Variants in AHCYL2 observed in about 807,000 individuals in gnomAD.
The protein encoded by AHCYL2 is adenosylhomocysteinase like 2.
In AHCYL2, 28 loss-of-function variants were observed where a neutral mutation model predicts 81.4. That is an observed-to-expected ratio of 0.34 (90% CI 0.25 to 0.47). The LOEUF is 0.47. AHCYL2 is among the 20% of genes least tolerant of loss of function. The pLI is 1.00. For missense variants in AHCYL2, 551 were observed against 785.1 expected (o/e 0.70, Z 3.56); for synonymous variants, 272 against 290.2 (o/e 0.94, Z 0.64).
At chr7:129,383,251 G>A (rs1795047685) in intron 2 of AHCYL2, among the ~76,000 whole-genome samples, 1 of 151,672 alleles carries the variant, frequency 6.6e-6, no homozygotes, top group Admixed American at 6.6e-5. Flanking sequence ...CTGTAGCCTC[G>A]AACTCTTGGG....
intron 1 of AHCYL2, among the ~76,000 whole-genome samples, chr7:129,366,901 T>A (rs1794142435): frequency 6.6e-6 from 1 of 152,164 alleles, no homozygotes; most frequent in Admixed American, 6.5e-5. Context: ...TTTGGTTTTA[T>A]ACATTTTAAG....
intron 1 of AHCYL2, among the ~76,000 whole-genome samples, chr7:129,230,573 C>G (rs550394895): frequency 7.4e-6 from 1 of 135,074 alleles, no homozygotes; most frequent in Admixed American, 7.4e-5. Context: ...CCTTCTAAAT[C>G]TTTTTTTTTT....
At chr7:129,263,148 CA>C (rs1315171575) in intron 1 of AHCYL2, among the ~76,000 whole-genome samples, 2 of 152,176 alleles carry the variant, frequency 1.3e-5, no homozygotes, top group African/African-American at 4.8e-5. Flanking sequence ...TGGTTACAAA[CA>C]GTCCCCATAT....
At chr7:129,400,616 T>C (rs1795987368) in intron 6 of AHCYL2, among the ~76,000 whole-genome samples, 1 of 152,134 alleles carries the variant, frequency 6.6e-6, no homozygotes, top group Non-Finnish European at 1.5e-5. Context: ...TTGGAAGCAT[T>C]TATATTCATT....
At chr7:129,228,530 G>A (rs1001553775) in intron 1 of AHCYL2, among the ~76,000 whole-genome samples, 3 of 152,186 alleles carry the variant, frequency 2.0e-5, no homozygotes, top group Non-Finnish European at 4.4e-5. Context: ...AACCCAGCAA[G>A]CCAAAAATCT....
chr7:129,233,475 C>T (rs1471715419), intron 1 of AHCYL2, among the ~76,000 whole-genome samples: 1 of 152,038 alleles, frequency 6.6e-6, no homozygotes, highest in Non-Finnish European at 1.5e-5. Flanking sequence ...CTGTGCCTGG[C>T]CTACTGTCTC....
intron 1 of AHCYL2, among the ~76,000 whole-genome samples, chr7:129,262,869 A>G (rs1795690472): frequency 6.6e-6 from 1 of 152,214 alleles, no homozygotes; most frequent in African/African-American, 2.4e-5. Context: ...ATAAGCTGAC[A>G]TGAAAATGGA....
At chr7:129,238,953 A>C (rs1482747879) in intron 1 of AHCYL2, among the ~76,000 whole-genome samples, 1 of 152,002 alleles carries the variant, frequency 6.6e-6, no homozygotes, top group African/African-American at 2.4e-5. Context: ...CTCCGTCTCA[A>C]AAAAAAAGAA....
chr7:129,276,110 G>A lies in AHCYL2; in HGVS notation c.363+50671G>A, dbSNP rs534492987. Among the ~76,000 whole-genome samples, 7 of 152,038 alleles carry A rather than the reference G, an allele frequency of 4.6e-5. No homozygotes were observed. In the South Asian group the frequency reaches 1.0e-3, roughly 23 times the overall value. ...ATTTTATATATTTGGAAATTTAAAA[G>A]CATACTTCTAAGTAACTCATAGATC... On this transcript the variant is annotated intron_variant, in intron 1 of 16. Coordinates refer to ENST00000325006, the MANE Select transcript of AHCYL2 (RefSeq NM_015328.4).
chr7:129,291,025 T>C (rs1563183282), intron 1 of AHCYL2, among the ~76,000 whole-genome samples: 1 of 152,116 alleles, frequency 6.6e-6, no homozygotes, highest in Non-Finnish European at 1.5e-5. Context: ...GTGGATCTTT[T>C]AATTATATTT....
At chr7:129,232,021 G>A (rs1794462066) in intron 1 of AHCYL2, among the ~76,000 whole-genome samples, 1 of 151,700 alleles carries the variant, frequency 6.6e-6, no homozygotes, top group Non-Finnish European at 1.5e-5. Context: ...ATAAAGGAAG[G>A]GTATTTGAAC....
Position 129,368,261 on chromosome 7 carries a change from T to C in AHCYL2, c.364-11377T>C, listed in dbSNP as rs1794199378. The C allele has an allele frequency of 7.2e-7, 1 of 1,397,526 alleles. No individual in the cohort carries two copies. Among genetic ancestry groups the C allele is most frequent in the Non-Finnish European group, 9.3e-7 (1 of 1,077,042 alleles). 86.6% of individuals were successfully genotyped at this position (1,397,526 alleles called of 1,614,324 possible). A position where few individuals can be genotyped will look rare whatever the true frequency, so the allele number is the denominator to read the frequency against. On this transcript the variant is annotated intron_variant, in intron 1 of 16. Coordinates refer to ENST00000325006, the MANE Select transcript of AHCYL2 (RefSeq NM_015328.4). This position sits in a 1 kb window ranked among gnomAD's most constrained non-coding sequence, Gnocchi z 4.4. ...CAGCACTTTGCATCAGCTCTGATTT[T>C]GAAATCAGACACAGAAGGCTTTGAA... is the stretch of plus-strand genomic sequence containing the variant.
intron 1 of AHCYL2, among the ~76,000 whole-genome samples, chr7:129,370,676 C>T (rs1215971155): frequency 4.6e-5 from 7 of 152,126 alleles, no homozygotes; most frequent in Non-Finnish European, 5.9e-5. Flanking sequence ...CCAGCCTGGG[C>T]GACAGGGTGA....
At chr7:129,258,600 T>C (rs920952498) in intron 1 of AHCYL2, among the ~76,000 whole-genome samples, 4 of 146,732 alleles carry the variant, frequency 2.7e-5, no homozygotes, top group African/African-American at 1.0e-4. Context: ...TTATAGCAGA[T>C]AAAAATACTG....
Position 129,234,611 on chromosome 7 carries a change from G to C in AHCYL2, c.363+9172G>C, listed in dbSNP as rs1794574584. Among the ~76,000 whole-genome samples the C allele has an allele frequency of 2.6e-5, 4 of 152,050 alleles. No individual in the cohort carries two copies. In the South Asian group the frequency reaches 6.2e-4, roughly 24 times the overall value. The stretch of plus-strand genomic sequence containing the variant: ...CAGCTTCAAGTGATCCTTCCTCCTT[G>C]GCCTTTGAAAGTACTGGGATTATAA... On this transcript the variant is annotated intron_variant, in intron 1 of 16. Transcript: ENST00000325006.
Position 129,300,932 on chromosome 7 carries a change from A to G in AHCYL2, c.363+75493A>G, listed in dbSNP as rs540271578. Among the ~76,000 whole-genome samples, 3 of 152,248 alleles carry G rather than the reference A, an allele frequency of 2.0e-5. No individual in the cohort carries two copies. In the South Asian group the frequency reaches 6.2e-4, roughly 32 times the overall value. On this transcript the variant is annotated intron_variant, in intron 1 of 16. Transcript: ENST00000325006. ...TCACTGCAATCTCCACCTCCTGGGT[A>G]AGGGATTCTCCTGCCTTGGCCTGCC...
rs200049707 is a variant in AHCYL2, at chr7:129,400,425, G to A, written c.918+41G>A. The A allele has an allele frequency of 4.0e-5, 63 of 1,580,046 alleles. No homozygotes were observed. In the Admixed American group the frequency reaches 1.0e-3, roughly 26 times the overall value. On this transcript the variant is annotated intron_variant, in intron 6 of 16. Transcript: ENST00000325006. ...GCTAACACAATTCTGTAGGGGTCAGGAATGGGGATGGGTGGAGGTTATGGC... is the reference window on the plus strand; with the variant it reads ...GCTAACACAATTCTGTAGGGGTCAGAAATGGGGATGGGTGGAGGTTATGGC...
intron 1 of AHCYL2, among the ~76,000 whole-genome samples, chr7:129,228,132 A>C (rs1030498692): frequency 1.3e-5 from 2 of 152,232 alleles, no homozygotes; most frequent in Admixed American, 6.5e-5. Context: ...TAGCATATGA[A>C]GGAACTGAGA....
intron 1 of AHCYL2, among the ~76,000 whole-genome samples, chr7:129,354,455 GAAGA>G (rs1049448498): frequency 2.0e-5 from 3 of 152,208 alleles, no homozygotes; most frequent in Non-Finnish European, 4.4e-5. Flanking sequence ...ATGGAGACAA[GAAGA>G]AAGGGCTGAG....
Sources: allele counts gnomAD v4.1 joint callset (sites outside exome capture counted in the v4.1 genomes callset), GRCh38; gene constraint gnomAD v4.1.1; non-coding constraint Gnocchi (gnomAD v3.1); transcripts MANE v1.5; gene names NCBI Gene and HGNC (gene_info 2026-07-23, HGNC 2026-07-21).